Variants in THEMIS observed in about 807,000 individuals in gnomAD.
THEMIS encodes the protein protein THEMIS.
THEMIS carries 37 observed loss-of-function variants against 52.6 expected under a neutral mutation model. That is an observed-to-expected ratio of 0.70 (90% CI 0.54 to 0.93). The LOEUF is 0.93. Ranked by LOEUF, THEMIS falls within the 40% of genes least tolerant of loss-of-function variation. The pLI is 0.00. For missense variants in THEMIS, 808 were observed against 763.1 expected, an observed-to-expected ratio of 1.06 and a Z score of -0.69; for synonymous variants, 292 against 272.7, an observed-to-expected ratio of 1.07 and a Z score of -0.70.
At chr6:127,716,515 G>T (rs1379313338) in intron 5 of THEMIS, among the ~76,000 whole-genome samples, 2 of 151,804 alleles carry the variant, frequency 1.3e-5, no homozygotes, top group Non-Finnish European at 2.9e-5. Flanking sequence ...CCTAATTCAG[G>T]ACAACCCTGA....
intron 3 of THEMIS, among the ~76,000 whole-genome samples, chr6:127,821,232 G>C (rs1249882365): frequency 1.3e-5 from 2 of 151,612 alleles, no homozygotes; most frequent in African/African-American, 4.8e-5. Context: ...TTTTACAATT[G>C]GGAAAATGGA....
At chr6:127,897,852 G>C (rs1395180409) in intron 1 of THEMIS, among the ~76,000 whole-genome samples, 7 of 151,534 alleles carry the variant, frequency 4.6e-5, no homozygotes, top group African/African-American at 1.7e-4. Context: ...AAAATTACTG[G>C]AAACTCCAAG....
intron 4 of THEMIS, among the ~76,000 whole-genome samples, chr6:127,736,608 C>A (rs1392406688): frequency 6.6e-6 from 1 of 152,076 alleles, no homozygotes; most frequent in East Asian, 1.9e-4. Flanking sequence ...AACCATAAAT[C>A]TATCAAGTAC....
At position 127,709,983 on chromosome 6, in the gene THEMIS, T is replaced by A; in HGVS notation, c.*2A>T. The A allele has an allele frequency of 6.3e-7, 1 of 1,589,800 alleles. No homozygotes were observed. Among genetic ancestry groups the A allele is most frequent in the Non-Finnish European group, 8.6e-7 (1 of 1,169,476 alleles). ...TGCCTAAGTGGCTTCTGTCACATCT[T>A]GTTATTTTTGATGTTTTTCATTTTT... On this transcript the variant is annotated 3_prime_UTR_variant, in exon 6 of 6. Transcript: ENST00000368248.
chr6:127,779,561 T>A (rs1382010877), intron 4 of THEMIS, among the ~76,000 whole-genome samples: 1 of 152,160 alleles, frequency 6.6e-6, no homozygotes, highest in African/African-American at 2.4e-5. Flanking sequence ...ATATACTATA[T>A]TGCACAGAAT....
At chr6:127,791,971 G>A (rs868086297) in intron 4 of THEMIS, among the ~76,000 whole-genome samples, 1 of 152,180 alleles carries the variant, frequency 6.6e-6, no homozygotes, top group Non-Finnish European at 1.5e-5. Context: ...GTGTTTCCTG[G>A]GGCCCTGAGA....
At chr6:127,798,208 T>G (rs1223839567) in intron 4 of THEMIS, among the ~76,000 whole-genome samples, 1 of 152,230 alleles carries the variant, frequency 6.6e-6, no homozygotes, top group Non-Finnish European at 1.5e-5. Flanking sequence ...TTCTCTTTTC[T>G]AAAATAGCGT....
chr6:127,713,550 C>T (rs1260586294), intron 5 of THEMIS, among the ~76,000 whole-genome samples: 2 of 151,806 alleles, frequency 1.3e-5, no homozygotes. Flanking sequence ...ATAAAAAGGA[C>T]ACTGCAAAAT....
At chr6:127,750,580 G>T (rs974570409) in intron 4 of THEMIS, among the ~76,000 whole-genome samples, 1 of 151,570 alleles carries the variant, frequency 6.6e-6, no homozygotes, top group Non-Finnish European at 1.5e-5. Context: ...CATAACAATG[G>T]CACAAAACAT....
At chr6:127,715,911 G>A (rs1774142712) in intron 5 of THEMIS, among the ~76,000 whole-genome samples, 1 of 151,836 alleles carries the variant, frequency 6.6e-6, no homozygotes, top group Non-Finnish European at 1.5e-5. Flanking sequence ...GTCAAGCTCA[G>A]AGAAATGAAA....
intron 2 of THEMIS, among the ~76,000 whole-genome samples, chr6:127,841,213 A>G (rs1159671190): frequency 6.6e-6 from 1 of 152,012 alleles, no homozygotes; most frequent in Non-Finnish European, 1.5e-5. Context: ...GGGGTCAGGA[A>G]GTATAGGGAA....
chr6:127,726,571 TC>T (rs1774554824), intron 4 of THEMIS, among the ~76,000 whole-genome samples: 1 of 152,152 alleles, frequency 6.6e-6, no homozygotes, highest in African/African-American at 2.4e-5. Flanking sequence ...TACTCATATT[TC>T]AGATATAGAT....
At chr6:127,734,921 G>A (rs1471744345) in intron 4 of THEMIS, among the ~76,000 whole-genome samples, 12 of 136,176 alleles carry the variant, frequency 8.8e-5, no homozygotes, top group Admixed American at 1.5e-4. Context: ...ATATGTGTGT[G>A]TGTGTGTGTG....
At chr6:127,829,109 C>G (rs1778606584) in intron 3 of THEMIS, among the ~76,000 whole-genome samples, 1 of 152,102 alleles carries the variant, frequency 6.6e-6, no homozygotes, top group East Asian at 1.9e-4. Context: ...CTTTTGTTGA[C>G]CACCTCCATA....
At chr6:127,872,653 A>C (rs762724710) in intron 1 of THEMIS, among the ~76,000 whole-genome samples, 30 of 152,178 alleles carry the variant, frequency 2.0e-4, no homozygotes, top group Admixed American at 4.6e-4. Context: ...AACAAGCAAA[A>C]CAAAAACAAA....
rs573596224 is a variant in THEMIS, at chr6:127,782,699, G to A, written c.1758+30184C>T. 1.4e-4 allele frequency among the ~76,000 whole-genome samples: 22 copies of A among 152,184 alleles called. 1 individual carries two copies. The highest frequency in any genetic ancestry group is 5.3e-4 in the African/African-American group (22 of 41,536). ...GAAATACAGAAATCACCCACCTTCTGCGTAGATCTCGCTGGGAGCTGTAGA... is the reference window on the plus strand; with the variant it reads ...GAAATACAGAAATCACCCACCTTCTACGTAGATCTCGCTGGGAGCTGTAGA... On this transcript the variant is annotated intron_variant, in intron 4 of 5. Coordinates refer to ENST00000368248, the MANE Select transcript of THEMIS (RefSeq NM_001010923.3).
intron 4 of THEMIS, among the ~76,000 whole-genome samples, chr6:127,789,391 C>A (rs1777084927): frequency 6.6e-6 from 1 of 151,970 alleles, no homozygotes; most frequent in Non-Finnish European, 1.5e-5. Context: ...TAATAGCTTA[C>A]CAATCAAAAA....
upstream of THEMIS, among the ~76,000 whole-genome samples, chr6:127,904,430 A>G (rs564930040): frequency 2.0e-5 from 3 of 152,162 alleles, no homozygotes; most frequent in African/African-American, 7.2e-5. Context: ...CCTAAGAGAA[A>G]GGGTTGCCTA....
At chr6:127,724,334 T>C (rs1361695578) in intron 4 of THEMIS, among the ~76,000 whole-genome samples, 1 of 152,084 alleles carries the variant, frequency 6.6e-6, no homozygotes. Flanking sequence ...ATTGTTATGT[T>C]AGAGAAAGTG....
Sources: gnomAD v4.1 joint callset for allele counts (sites outside exome capture counted in the v4.1 genomes callset) on GRCh38, gnomAD v4.1.1 for gene constraint, MANE v1.5 for transcripts, NCBI Gene and HGNC (gene_info 2026-07-23, HGNC 2026-07-21) for gene names.